GRID1: variants seen among roughly 807,000 people sequenced by gnomAD.
GRID1 encodes glutamate receptor ionotropic, delta-1.
A neutral mutation model predicts 98.0 loss-of-function variants in GRID1; 28 were observed. The observed-to-expected ratio is 0.29, with a 90% CI of 0.21 to 0.39. The LOEUF (loss-of-function observed/expected upper bound fraction) is 0.39, where lower values mean the gene tolerates loss of function less well. Ranked by LOEUF, GRID1 falls within the 10% of genes least tolerant of loss-of-function variation. The pLI is 1.00. For synonymous variants in GRID1, 553 were observed against 538.5 expected (o/e 1.03, Z -0.37); for missense variants, 1,111 against 1,340.5 (o/e 0.83, Z 2.67).
At chr10:85,799,869 A>G (rs896810645) in intron 8 of GRID1, among the ~76,000 whole-genome samples, 2 of 152,102 alleles carry the variant, frequency 1.3e-5, no homozygotes, top group African/African-American at 4.8e-5. Flanking sequence ...GGAAGTTTGA[A>G]TGTTCTCATC....
intron 4 of GRID1, among the ~76,000 whole-genome samples, chr10:85,996,954 C>A (rs187846968): frequency 6.6e-6 from 1 of 151,618 alleles, no homozygotes; most frequent in Admixed American, 6.6e-5. Context: ...CAAACCCAAA[C>A]AGAATAAAAC....
At chr10:85,854,470 T>C (rs776631483) in intron 8 of GRID1, 26 bp downstream of exon 8, 2 of 1,611,940 alleles carry the variant, frequency 1.2e-6, no homozygotes, top group South Asian at 2.2e-5. Context: ...GCAGGAAGAT[T>C]GGAAGACAGG....
chr10:85,645,758 TG>T (rs1843179249), intron 13 of GRID1: 1 of 152,202 alleles, frequency 6.6e-6, no homozygotes, highest in Non-Finnish European at 1.5e-5. Context: ...TAAATGGCAA[TG>T]AAAAATCATC....
At chr10:85,650,956 C>A (rs1348063281) in intron 12 of GRID1, among the ~76,000 whole-genome samples, 1 of 152,140 alleles carries the variant, frequency 6.6e-6, no homozygotes, top group African/African-American at 2.4e-5. Context: ...AAAGTGTGAT[C>A]CTCAGAGCTG....
At position 85,821,743 on chromosome 10, in the gene GRID1, A is replaced by T. The variant is rs1436571904; in HGVS notation, c.1233+32753T>A. Among the ~76,000 whole-genome samples the T allele has an allele frequency of 2.0e-5, 3 of 152,224 alleles. No individual in the cohort carries two copies. In the East Asian group the frequency reaches 5.8e-4, roughly 29 times the overall value. On this transcript the variant is annotated intron_variant, in intron 8 of 15. Transcript: ENST00000327946. Reference sequence around the variant, plus strand: ...AAATGTGCCAAGTCAATCCTAAGCCAAAAGAACAAAGCTGGAGGCATCACG... The same window carrying T: ...AAATGTGCCAAGTCAATCCTAAGCCTAAAGAACAAAGCTGGAGGCATCACG...
intron 5 of GRID1, among the ~76,000 whole-genome samples, chr10:85,889,385 T>C (rs957903707): frequency 6.6e-6 from 1 of 152,194 alleles, no homozygotes; most frequent in African/African-American, 2.4e-5. Context: ...ACTCTCTACT[T>C]CTACGAGATC....
At chr10:86,093,175 C>A (rs1471952439) in intron 4 of GRID1, among the ~76,000 whole-genome samples, 2 of 152,054 alleles carry the variant, frequency 1.3e-5, no homozygotes, top group Admixed American at 6.6e-5. Flanking sequence ...AAAAATTCTT[C>A]AAACTGAATG....
intron 6 of GRID1, among the ~76,000 whole-genome samples, chr10:85,867,085 C>T (rs1843228185): frequency 6.6e-6 from 1 of 152,216 alleles, no homozygotes. Flanking sequence ...ACCCCTCAGT[C>T]TCTCTTTCTC....
chr10:85,974,283 GTTTGTTTTGTTTTGT>G (rs143157635), intron 4 of GRID1, among the ~76,000 whole-genome samples: 1 of 150,878 alleles, frequency 6.6e-6, no homozygotes, highest in Non-Finnish European at 1.5e-5. Flanking sequence ...CAAGTTTTTT[GTTTGTTTTGTTTTGT>G]TTTGTTTTGT....
intron 5 of GRID1, among the ~76,000 whole-genome samples, chr10:85,879,080 A>G (rs1840958796): frequency 6.6e-6 from 1 of 152,130 alleles, no homozygotes; most frequent in African/African-American, 2.4e-5. Context: ...ACTATCCTAA[A>G]TATATATGCA....
Position 86,123,141 on chromosome 10 carries a change from C to T in GRID1, c.726+15678G>A, listed in dbSNP as rs773566062. ...CTCCGCCCCAACACTGCCAGTGCCCCGGGGGATCTGGAATGAACGGTGGGG... is the reference window on the plus strand; with the variant it reads ...CTCCGCCCCAACACTGCCAGTGCCCTGGGGGATCTGGAATGAACGGTGGGG... On this transcript the variant is annotated intron_variant, in intron 4 of 15. Coordinates refer to ENST00000327946, the MANE Select transcript of GRID1 (RefSeq NM_017551.3). Among the ~76,000 whole-genome samples, 9 of 152,292 alleles carry T rather than the reference C, an allele frequency of 5.9e-5. No individual in the cohort carries two copies. In the South Asian group the frequency reaches 1.0e-3, roughly 18 times the overall value.
At chr10:85,850,626 A>C (rs886524853) in intron 8 of GRID1, among the ~76,000 whole-genome samples, 2 of 152,214 alleles carry the variant, frequency 1.3e-5, no homozygotes, top group African/African-American at 4.8e-5. Context: ...GCTGTGTTTT[A>C]GGCCTTCCTG....
intron 4 of GRID1, among the ~76,000 whole-genome samples, chr10:86,096,440 T>G (rs931217760): frequency 2.6e-5 from 4 of 152,204 alleles, no homozygotes; most frequent in African/African-American, 9.6e-5. Context: ...AGGCACAATC[T>G]TGCTCAACCA....
intron 8 of GRID1, among the ~76,000 whole-genome samples, chr10:85,776,488 G>A (rs1842332608): frequency 1.3e-5 from 2 of 152,284 alleles, no homozygotes; most frequent in Admixed American, 1.3e-4. Flanking sequence ...GGTCCTGGCT[G>A]GGGCAGAGCT....
chr10:85,813,927 T>A (rs1397987953), intron 8 of GRID1, among the ~76,000 whole-genome samples: 1 of 151,740 alleles, frequency 6.6e-6, no homozygotes, highest in Non-Finnish European at 1.5e-5. Context: ...ACAATATTAA[T>A]GCTACGTAAA....
At chr10:85,662,538 C>T (rs1026611402) in intron 12 of GRID1, among the ~76,000 whole-genome samples, 1 of 152,190 alleles carries the variant, frequency 6.6e-6, no homozygotes, top group African/African-American at 2.4e-5. Context: ...CAGCTCCCTC[C>T]GTAATACTCC....
At chr10:86,118,240 T>A (rs1176832016) in intron 4 of GRID1, among the ~76,000 whole-genome samples, 2 of 151,942 alleles carry the variant, frequency 1.3e-5, no homozygotes, top group Non-Finnish European at 2.9e-5. Context: ...GAATGAAAAA[T>A]CAAACATCGT....
At chr10:85,703,325 A>C (rs958425013) in intron 12 of GRID1, among the ~76,000 whole-genome samples, 1 of 152,154 alleles carries the variant, frequency 6.6e-6, no homozygotes, top group Non-Finnish European at 1.5e-5. Context: ...AAATCATAGT[A>C]TAAAGAAACA....
chr10:86,180,782 G>T (rs964974912), intron 3 of GRID1, among the ~76,000 whole-genome samples: 7 of 152,134 alleles, frequency 4.6e-5, no homozygotes, highest in Non-Finnish European at 1.0e-4. Flanking sequence ...CGGGAACTGG[G>T]CTGTGAACAT....
Sources: allele counts gnomAD v4.1 joint callset (sites outside exome capture counted in the v4.1 genomes callset), GRCh38; gene constraint gnomAD v4.1.1; transcripts MANE v1.5; gene names NCBI Gene and HGNC (gene_info 2026-07-23, HGNC 2026-07-21).